Variants in ACTN1 observed in about 807,000 individuals in gnomAD.
ACTN1 encodes alpha-actinin-1.
In ACTN1, 30 loss-of-function variants were observed where a neutral mutation model predicts 119.6. That is an observed-to-expected ratio of 0.25 (90% CI 0.19 to 0.34). The LOEUF is 0.34. Among genes scored for constraint, ACTN1 ranks in the 10% least tolerant of loss-of-function variants. The pLI is 1.00. For synonymous variants in ACTN1, 429 were observed against 472.6 expected (o/e 0.91, Z 1.20); for missense variants, 764 against 1,223.4 (o/e 0.62, Z 5.60).
intron 11 of ACTN1, among the ~76,000 whole-genome samples, chr14:68,889,218 CA>C (rs1427066777): frequency 6.6e-6 from 1 of 152,196 alleles, no homozygotes; most frequent in Non-Finnish European, 1.5e-5. Flanking sequence ...AATAAGCAGA[CA>C]CCAGACACGC....
intron 1 of ACTN1, among the ~76,000 whole-genome samples, chr14:68,959,813 G>A (rs1302944871): frequency 6.6e-6 from 1 of 152,102 alleles, no homozygotes; most frequent in Non-Finnish European, 1.5e-5. Flanking sequence ...CAGAACATGT[G>A]GGTAAGAGGC....
At chr14:68,890,095 G>T (rs1012524467) in intron 11 of ACTN1, 44 bp downstream of exon 11, 2 of 1,602,394 alleles carry the variant, frequency 1.2e-6, no homozygotes, top group Non-Finnish European at 1.7e-6. Context: ...GAAGAGTAGG[G>T]AAGTGAAGCC....
chr14:68,894,231 C>T (rs1202319234), intron 8 of ACTN1, among the ~76,000 whole-genome samples: 2 of 152,154 alleles, frequency 1.3e-5, no homozygotes, highest in African/African-American at 2.4e-5. Flanking sequence ...ATCATGGGAC[C>T]TCTTGGGATC....
At chr14:68,881,889 C>T (rs898945174) in intron 16 of ACTN1, among the ~76,000 whole-genome samples, 2 of 149,126 alleles carry the variant, frequency 1.3e-5, no homozygotes, top group African/African-American at 2.5e-5. Context: ...TAAGCTGGAT[C>T]GGGCGCTCAG....
rs2031968369 is a variant in ACTN1 at position 68,885,940 on chromosome 14, C to A, written c.1235-365G>T. ...ACAACCCAAGCACCTCAGGAGTACC[C>A]TGCCTTTAGAATGTCCCCAGTTACC... On this transcript the variant is annotated intron_variant, in intron 11 of 21. Coordinates refer to ENST00000394419, the MANE Select transcript of ACTN1 (RefSeq NM_001130004.2). This position sits in a 1 kb window ranked among gnomAD's most constrained non-coding sequence, Gnocchi z 5.6. 5.2e-6 allele frequency: 1 copy of A among 193,920 alleles called. No individual in the cohort carries two copies. 12.0% of individuals were successfully genotyped at this position (193,920 alleles called of 1,614,324 possible).
intron 1 of ACTN1, among the ~76,000 whole-genome samples, chr14:68,929,690 G>T (rs2035126946): frequency 6.6e-6 from 1 of 152,172 alleles, no homozygotes; most frequent in Admixed American, 6.5e-5. Context: ...CAGAGCAGCG[G>T]CAACGGCCTG....
intron 1 of ACTN1, among the ~76,000 whole-genome samples, chr14:68,961,564 G>A (rs2036542253): frequency 1.3e-5 from 2 of 152,306 alleles, no homozygotes; most frequent in East Asian, 1.9e-4. Flanking sequence ...GGGCGCGGGG[G>A]CACGGGGGTG....
At chr14:68,915,201 AG>A (rs2034219251) in intron 3 of ACTN1, among the ~76,000 whole-genome samples, 1 of 152,118 alleles carries the variant, frequency 6.6e-6, no homozygotes, top group Non-Finnish European at 1.5e-5. Context: ...CAGTGGCCAG[AG>A]AGGCCCTCGT....
intron 3 of ACTN1, among the ~76,000 whole-genome samples, 162 bp from the exon 4 acceptor site, chr14:68,912,404 G>T (rs2034058667): frequency 6.6e-6 from 1 of 152,066 alleles, no homozygotes; most frequent in African/African-American, 2.4e-5. Flanking sequence ...TTGAGACAGG[G>T]TTTTCGCTCT....
chr14:68,936,779 A>AT (rs2035541702), intron 1 of ACTN1: 1 of 612,072 alleles, frequency 1.6e-6, no homozygotes, highest in Admixed American at 1.9e-5. Flanking sequence ...TCTTCCAGGA[A>AT]TGGCTGAAGG....
rs572641306 is a variant in ACTN1 at position 68,884,868 on chromosome 14, A to G, written c.1401T>C (p.Tyr467=). Residue 467 remains tyrosine (Y), a synonymous_variant, in exon 13 of 22, where the codon TAT becomes TAC. Transcript: ENST00000394419. ...AACGGGCGTTGACACTGGGTGAGTC[A>G]TAATAGTCCAGCTCACTGGGGAGGG... The part of the protein sequence containing the change: ...IAQELNELDY[Y]DSPSVNARCQ... 1.2e-5 allele frequency: 20 copies of G among 1,613,870 alleles called. No individual in the cohort carries two copies. In the East Asian group the frequency reaches 4.0e-4, roughly 32 times the overall value.
At chr14:68,966,535 T>C (rs1186382479) in intron 1 of ACTN1, among the ~76,000 whole-genome samples, 1 of 152,152 alleles carries the variant, frequency 6.6e-6, no homozygotes, top group African/African-American at 2.4e-5. Flanking sequence ...GGGGACAAGA[T>C]AGGTTTCTGC....
intron 1 of ACTN1, among the ~76,000 whole-genome samples, chr14:68,952,147 AG>A (rs1437365977): frequency 2.0e-5 from 3 of 152,198 alleles, no homozygotes; most frequent in Non-Finnish European, 1.5e-5. Context: ...TATCTGACAG[AG>A]GGGGCTGGCT....
At position 68,885,367 on chromosome 14, in the gene ACTN1, C is replaced by G; in HGVS notation, c.1385+58G>C. On this transcript the variant is annotated intron_variant, in intron 12 of 21. Coordinates refer to ENST00000394419, the MANE Select transcript of ACTN1 (RefSeq NM_001130004.2). The surrounding 1 kb of genome is among the most constrained non-coding windows in gnomAD (Gnocchi z 5.6). ...GCCACACCCCCACCTCCCCCAGCAG[C>G]TGAGAAAGCCCAGCCTCAGCCCCTC... is the stretch of plus-strand genomic sequence containing the variant. 5 of 1,544,110 alleles carry G rather than the reference C, an allele frequency of 3.2e-6. No individual in the cohort carries two copies. The highest frequency in any genetic ancestry group is 4.4e-6 in the Non-Finnish European group (5 of 1,142,856).
Position 68,950,462 on chromosome 14 carries a change from G to GTGTGTGTGTGTGTGTGTGTATGTATA in ACTN1, c.106-24791_106-24790insTATACATACACACACACACACACACA. On this transcript the variant is annotated intron_variant, in intron 1 of 21. Transcript: ENST00000394419. ...TTTACCATAATATATATGCGTGTGTGTATATATATATATATAAATCAAACA... is the reference window on the plus strand; with the variant it reads ...TTTACCATAATATATATGCGTGTGTGTGTGTGTGTGTGTGTGTGTATGTATATATATATATATATATAAATCAAACA... Among the ~76,000 whole-genome samples, 23 of 125,916 alleles carry GTGTGTGTGTGTGTGTGTGTATGTATA rather than the reference G, an allele frequency of 1.8e-4. 1 individual carries two copies. The highest frequency in any genetic ancestry group is 9.0e-4 in the African/African-American group (22 of 24,322). 82.6% of individuals were successfully genotyped at this position (125,916 alleles called of 152,430 possible).
In ACTN1 at chr14:68,925,713, G is replaced by T; in HGVS notation, c.106-41C>A. 1 of 1,534,504 alleles carries T rather than the reference G, an allele frequency of 6.5e-7. No individual in the cohort carries two copies. Among genetic ancestry groups the T allele is most frequent in the Non-Finnish European group, 9.0e-7 (1 of 1,114,894 alleles). On this transcript the variant is annotated intron_variant, in intron 1 of 21. Coordinates refer to ENST00000394419, the MANE Select transcript of ACTN1 (RefSeq NM_001130004.2). This position sits in a 1 kb window ranked among gnomAD's most constrained non-coding sequence, Gnocchi z 4.3. ...AAGGGCAAGTGGTCAGGGGGCTGGT[G>T]TTGTCACCCTCATTGGACAAGCCAT...
chr14:68,893,691 C>T lies in ACTN1; in HGVS notation c.819G>A (p.Glu273=), dbSNP rs781334007. 1 of 1,614,160 alleles carries T rather than the reference C, an allele frequency of 6.2e-7. No homozygotes were observed. Among genetic ancestry groups the T allele is most frequent in the Non-Finnish European group, 8.5e-7 (1 of 1,180,008 alleles). Residue 273 remains glutamate (E), a synonymous_variant, in exon 9 of 22, where the codon GAG becomes GAA. Coordinates refer to ENST00000394419, the MANE Select transcript of ACTN1 (RefSeq NM_001130004.2). ...GCTTCTCGTAGTCTTCCATAAGCTG[C>T]TCGTTCTCCTGGTTGACGGCCAACA... is the stretch of plus-strand genomic sequence containing the variant. ...CKVLAVNQEN[E]QLMEDYEKLA... is the part of the protein sequence containing the mutation.
Position 68,878,849 on chromosome 14 carries a change from G to C in ACTN1, c.2361+140C>G. 1 of 1,595,978 alleles carries C rather than the reference G, an allele frequency of 6.3e-7. No homozygotes were observed. Among genetic ancestry groups the C allele is most frequent in the Non-Finnish European group, 8.5e-7 (1 of 1,178,066 alleles). The stretch of plus-strand genomic sequence containing the variant: ...GGGTGGACCAGTGATGGGGCAGACA[G>C]AGACAGCAGGAGAGGACGAGCCCCA... On this transcript the variant is annotated intron_variant, in intron 19 of 21. Coordinates refer to ENST00000394419, the MANE Select transcript of ACTN1 (RefSeq NM_001130004.2). The surrounding 1 kb of genome is among the most constrained non-coding windows in gnomAD (Gnocchi z 4.4).
Position 68,941,056 on chromosome 14 carries a change from T to C in ACTN1, c.106-15384A>G, listed in dbSNP as rs574813402. Among the ~76,000 whole-genome samples, 27 of 152,248 alleles carry C rather than the reference T, an allele frequency of 1.8e-4. 1 individual carries two copies. In the South Asian group the frequency reaches 5.2e-3, roughly 29 times the overall value. On this transcript the variant is annotated intron_variant, in intron 1 of 21. Coordinates refer to ENST00000394419, the MANE Select transcript of ACTN1 (RefSeq NM_001130004.2). ...CAGCTGGAGCATCAGTTCTGTCAAC[T>C]GCTTTTGGGGACTTGGGAGGGGTTC...
Sources: gnomAD v4.1 joint callset for allele counts (sites outside exome capture counted in the v4.1 genomes callset) on GRCh38, gnomAD v4.1.1 for gene constraint, Gnocchi (gnomAD v3.1) non-coding constraint, MANE v1.5 for transcripts, NCBI Gene and HGNC (gene_info 2026-07-23, HGNC 2026-07-21) for gene names.